PPIL1: variants seen among roughly 807,000 people sequenced by gnomAD.
The protein encoded by PPIL1 is peptidyl-prolyl cis-trans isomerase-like 1.
A neutral mutation model predicts 19.4 loss-of-function variants in PPIL1; 14 were observed. The ratio of observed to expected loss-of-function variants is 0.72; its 90% CI spans 0.48 to 1.13. The LOEUF (loss-of-function observed/expected upper bound fraction) is 1.13. PPIL1 is among the 50% of genes most tolerant of loss of function. PPIL1 has a pLI of 0.00. For missense variants in PPIL1, 192 were observed against 218.0 expected, an observed-to-expected ratio of 0.88 and a Z score of 0.75; for synonymous variants, 72 against 73.6, an observed-to-expected ratio of 0.98 and a Z score of 0.11.
At chr6:36,861,635 A>T (rs1774289605) in intron 2 of PPIL1, among the ~76,000 whole-genome samples, 1 of 150,966 alleles carries the variant, frequency 6.6e-6, no homozygotes. Flanking sequence ...CAATGAACAG[A>T]ACCTTTGCAG....
At chr6:36,865,108 C>T (rs189816113) in intron 2 of PPIL1, among the ~76,000 whole-genome samples, 58 of 152,310 alleles carry the variant, frequency 3.8e-4, no homozygotes, top group Non-Finnish European at 6.2e-4. Flanking sequence ...ACCACACTCC[C>T]GACAGGTGAG....
intron 2 of PPIL1, 76 bp from the exon 3 acceptor site, chr6:36,856,730 C>A (rs997912423): frequency 1.5e-6 from 2 of 1,367,170 alleles, no homozygotes; most frequent in South Asian, 1.2e-5. Context: ...GGCCCAGGGT[C>A]AAAGGATTTC....
chr6:36,868,558 C>T (rs1774438645), intron 2 of PPIL1, among the ~76,000 whole-genome samples: 2 of 152,180 alleles, frequency 1.3e-5, no homozygotes, highest in African/African-American at 4.8e-5. Flanking sequence ...GAGAAGGCAG[C>T]CAGGCATGAT....
rs369696954 is a variant in PPIL1 at position 36,871,464 on chromosome 6, G to C, written c.211+254C>G. Among the ~76,000 whole-genome samples, 2 of 152,166 alleles carry C rather than the reference G, an allele frequency of 1.3e-5. 1 individual carries two copies. Among genetic ancestry groups the C allele is most frequent in the South Asian group, 4.1e-4 (2 of 4,826 alleles). The stretch of plus-strand genomic sequence containing the variant: ...TATTTGTTCTTAGTGAGCAGTACAT[G>C]TAAGTTATGAAAAACTCTACCAAGC... On this transcript the variant is annotated intron_variant, in intron 2 of 3. Coordinates refer to ENST00000373699, the MANE Select transcript of PPIL1 (RefSeq NM_016059.5).
chr6:36,870,400 T>C (rs1774484118), intron 2 of PPIL1, among the ~76,000 whole-genome samples: 1 of 152,102 alleles, frequency 6.6e-6, no homozygotes, highest in Non-Finnish European at 1.5e-5. Flanking sequence ...TCCAACTACT[T>C]ACTCATGAGC....
chr6:36,870,719 C>T (rs535191912), intron 2 of PPIL1, among the ~76,000 whole-genome samples: 1 of 152,232 alleles, frequency 6.6e-6, no homozygotes, highest in African/African-American at 2.4e-5. Flanking sequence ...CTCCTGGGTT[C>T]AAGCAATTCT....
chr6:36,858,231 CAAAAAAA>C (rs55719434), intron 2 of PPIL1, among the ~76,000 whole-genome samples: 99 of 68,184 alleles, frequency 1.5e-3, no homozygotes, highest in Non-Finnish European at 2.2e-3. Flanking sequence ...AAGACTGTCT[CAAAAAAA>C]AAAAAAAAAA....
chr6:36,866,091 G>A (rs1054825708), intron 2 of PPIL1, among the ~76,000 whole-genome samples: 3 of 152,144 alleles, frequency 2.0e-5, no homozygotes, highest in Non-Finnish European at 2.9e-5. Flanking sequence ...GAACTTGACA[G>A]GATGTTATGT....
chr6:36,871,451 G>A (rs1774508277), intron 2 of PPIL1, among the ~76,000 whole-genome samples: 1 of 152,144 alleles, frequency 6.6e-6, no homozygotes, highest in Admixed American at 6.5e-5. Flanking sequence ...TTTGTTCTTA[G>A]TGAGCAGTAC....
rs542593247 is a variant in PPIL1, at chr6:36,865,456, G to T, written c.211+6262C>A. 2.0e-5 allele frequency among the ~76,000 whole-genome samples: 3 copies of T among 152,310 alleles called. No individual in the cohort carries two copies. The South Asian group carries it at 6.2e-4, about 32-fold the overall frequency. On this transcript the variant is annotated intron_variant, in intron 2 of 3. Coordinates refer to ENST00000373699, the MANE Select transcript of PPIL1 (RefSeq NM_016059.5). ...TTGATGCATTTGTTCTGGGTGTGGA[G>T]AGGTGGCTGGGTGATGTCACAAGAG...
chr6:36,855,999 T>C lies in PPIL1; in HGVS notation c.315A>G (p.Pro105=). The change falls in exon 4 of 4, where the codon CCA becomes CCG. Residue 105 remains proline (P), a synonymous_variant. Transcript: ENST00000373699. The stretch of plus-strand genomic sequence containing the variant: ...CAAAGAACTGGCTGCCATTGGTATC[T>C]GGCCCCGCATTGGCCATTGCGAGAA... ...AGILAMANAG[P]DTNGSQFFVT... The C allele has an allele frequency of 6.2e-7, 1 of 1,614,230 alleles. No individual in the cohort carries two copies. The highest frequency in any genetic ancestry group is 8.5e-7 in the Non-Finnish European group (1 of 1,180,040).
At chr6:36,856,533 G>A in intron 3 of PPIL1, 53 bp downstream of exon 3, 5 of 1,514,684 alleles carry the variant, frequency 3.3e-6, no homozygotes, top group South Asian at 2.3e-5. Context: ...GGCCAAAAGA[G>A]TGAGCTTTTA....
intron 1 of PPIL1, among the ~76,000 whole-genome samples, chr6:36,872,376 C>G (rs1183523694): frequency 6.6e-6 from 1 of 151,810 alleles, no homozygotes; most frequent in Admixed American, 6.6e-5. Context: ...ATTTTTGATC[C>G]ATGTAAATAC....
Position 36,855,909 on chromosome 6 carries a change from G to A in PPIL1, c.405C>T (p.Gly135=), listed in dbSNP as rs767057620. The stretch of plus-strand genomic sequence containing the variant: ...TTCCCACGCGATTCACCATTCCTAT[G>A]CCCTGACACACTCGGCCAAAAATGG... ...KHTIFGRVCQ[G]IGMVNRVGMV... The change falls in exon 4 of 4, where the codon GGC becomes GGT. Residue 135 remains glycine, a synonymous_variant. Coordinates refer to ENST00000373699, the MANE Select transcript of PPIL1 (RefSeq NM_016059.5). 6.2e-7 allele frequency: 1 copy of A among 1,614,148 alleles called. No homozygotes were observed. Among genetic ancestry groups the A allele is most frequent in the Non-Finnish European group, 8.5e-7 (1 of 1,180,020 alleles).
chr6:36,860,204 C>A (rs1441635539), intron 2 of PPIL1, among the ~76,000 whole-genome samples: 6 of 152,040 alleles, frequency 3.9e-5, no homozygotes, highest in African/African-American at 1.2e-4. Flanking sequence ...AAGTGGCTCA[C>A]ACCTATAATC....
intron 1 of PPIL1, among the ~76,000 whole-genome samples, 167 bp downstream of exon 1, chr6:36,874,550 G>C (rs1021452162): frequency 7.9e-5 from 12 of 152,230 alleles, no homozygotes; most frequent in African/African-American, 2.7e-4. Flanking sequence ...CTTGGACGCG[G>C]GCGATGGCGG....
chr6:36,864,878 A>G (rs1345558940), intron 2 of PPIL1, among the ~76,000 whole-genome samples: 3 of 152,140 alleles, frequency 2.0e-5, no homozygotes, highest in African/African-American at 4.8e-5. Context: ...CCAGAATGAG[A>G]GCACCGCGAG....
At chr6:36,862,282 A>G (rs1437115740) in intron 2 of PPIL1, among the ~76,000 whole-genome samples, 1 of 152,148 alleles carries the variant, frequency 6.6e-6, no homozygotes, top group Non-Finnish European at 1.5e-5. Context: ...CAACTGACCA[A>G]TCAAAGCCTC....
chr6:36,874,152 A>G (rs1435726372), intron 1 of PPIL1, among the ~76,000 whole-genome samples: 1 of 152,224 alleles, frequency 6.6e-6, no homozygotes, highest in African/African-American at 2.4e-5. Context: ...AGAAAGTTAA[A>G]TAATACCTTC....
Sources: gnomAD v4.1 joint callset for allele counts (sites outside exome capture counted in the v4.1 genomes callset) on GRCh38, gnomAD v4.1.1 for gene constraint, MANE v1.5 for transcripts, NCBI Gene and HGNC (gene_info 2026-07-23, HGNC 2026-07-21) for gene names.